The following PLD5 variants were observed in gnomAD, a reference collection of about 807,000 sequenced individuals.
PLD5 encodes the protein phospholipase D family member 5.
A neutral mutation model predicts 61.1 loss-of-function variants in PLD5; 36 were observed. The ratio of observed to expected loss-of-function variants is 0.59; its 90% CI spans 0.45 to 0.78. PLD5 has a LOEUF of 0.78. Among genes scored for constraint, PLD5 ranks in the 30% least tolerant of loss-of-function variants. The probability of loss-of-function intolerance (pLI) is 0.00; values close to 1 mark genes in which losing one functional copy is unlikely to be tolerated. For missense variants in PLD5, 515 were observed against 644.4 expected (o/e 0.80, Z 2.17); for synonymous variants, 243 against 242.8 (o/e 1.00, Z -0.01).
intron 1 of PLD5, among the ~76,000 whole-genome samples, chr1:242,427,210 TA>T (rs935233957): frequency 2.0e-5 from 3 of 152,200 alleles, no homozygotes; most frequent in African/African-American, 7.2e-5. Flanking sequence ...TTAGAATTGT[TA>T]TTATCAGTAT....
intron 5 of PLD5, among the ~76,000 whole-genome samples, chr1:242,175,184 T>C (rs889720139): frequency 1.3e-5 from 2 of 152,238 alleles, no homozygotes; most frequent in South Asian, 2.1e-4. Context: ...CTGATGAACA[T>C]GGATGTGAAA....
intron 8 of PLD5, among the ~76,000 whole-genome samples, 167 bp downstream of exon 8, chr1:242,107,504 C>CTCCT (rs67662777): frequency 0.22 from 1,195 of 5,452 alleles, 16 homozygotes; most frequent in African/African-American, 0.48. Flanking sequence ...GAGCTCTACT[C>CTCCT]TTTTTTTCGT....
At chr1:242,167,076 TAGTA>T (rs571199276) in intron 5 of PLD5, among the ~76,000 whole-genome samples, 10,496 of 77,346 alleles carry the variant, frequency 0.14, 498 homozygotes, top group Middle Eastern at 0.17. Flanking sequence ...ACAATAATAA[TAGTA>T]ATAATAATAA....
intron 1 of PLD5, among the ~76,000 whole-genome samples, chr1:242,437,565 T>C (rs940042897): frequency 1.3e-5 from 2 of 152,030 alleles, no homozygotes; most frequent in African/African-American, 4.8e-5. Flanking sequence ...GGTGTGGTGG[T>C]GTGCGCCTGT....
chr1:242,465,460 C>T (rs1435269885), intron 1 of PLD5, among the ~76,000 whole-genome samples: 1 of 152,226 alleles, frequency 6.6e-6, no homozygotes, highest in Non-Finnish European at 1.5e-5. Flanking sequence ...TCTGCAATGG[C>T]TTCCCATTTA....
chr1:242,524,013 G>A, intron 1 of PLD5, 75 bp downstream of exon 1: 4 of 1,428,014 alleles, frequency 2.8e-6, no homozygotes, highest in Non-Finnish European at 3.7e-6. Context: ...CCCCGCGCGC[G>A]CTCATGCCAC....
rs537825726 is a variant in PLD5, at chr1:242,267,012, G to A, written c.496-1564C>T. Among the ~76,000 whole-genome samples, 14 of 152,246 alleles carry A rather than the reference G, an allele frequency of 9.2e-5. 1 individual carries two copies. The South Asian group carries it at 2.1e-3, about 23-fold the overall frequency. ...GGTGCCTGTAATCCCAGCTACCCTG[G>A]AGGCTGAGGCAGGAGAATCACTGGA... On this transcript the variant is annotated intron_variant, in intron 3 of 9. Coordinates refer to ENST00000536534, the MANE Select transcript of PLD5 (RefSeq NM_001372062.1).
chr1:242,235,742 C>T (rs1671597795), intron 4 of PLD5: 1 of 152,176 alleles, frequency 6.6e-6, no homozygotes, highest in Non-Finnish European at 1.5e-5. Flanking sequence ...GTCCAACTTC[C>T]TTTCAAGGAA....
chr1:242,432,645 C>G (rs562175979), intron 1 of PLD5, among the ~76,000 whole-genome samples: 9 of 152,278 alleles, frequency 5.9e-5, no homozygotes, highest in African/African-American at 1.9e-4. Context: ...AAGACAAGCC[C>G]TGGAAGACTC....
intron 6 of PLD5, among the ~76,000 whole-genome samples, chr1:242,121,993 T>C (rs1662413085): frequency 6.6e-6 from 1 of 150,902 alleles, no homozygotes; most frequent in East Asian, 2.0e-4. Flanking sequence ...CTAATGTAAA[T>C]ATGAGTTAGT....
intron 1 of PLD5, among the ~76,000 whole-genome samples, chr1:242,415,701 G>T (rs893626918): frequency 1.3e-5 from 2 of 151,880 alleles, no homozygotes; most frequent in Non-Finnish European, 2.9e-5. Context: ...TTTTAGTAGA[G>T]ACGGGGTTTC....
intron 1 of PLD5, among the ~76,000 whole-genome samples, chr1:242,493,343 C>T (rs1668232506): frequency 6.6e-6 from 1 of 152,116 alleles, no homozygotes; most frequent in Non-Finnish European, 1.5e-5. Context: ...GGAGGCCACG[C>T]AGCGAATGTC....
At chr1:242,146,637 A>G (rs1664563932) in intron 5 of PLD5, among the ~76,000 whole-genome samples, 1 of 152,152 alleles carries the variant, frequency 6.6e-6, no homozygotes, top group South Asian at 2.1e-4. Context: ...TTCTAGAGTT[A>G]TTTTTATGAC....
At position 242,115,677 on chromosome 1, in the gene PLD5, G is replaced by GT. The variant is rs1558236827; in HGVS notation, c.934-1652dup. Among the ~76,000 whole-genome samples, 10 of 135,240 alleles carry GT rather than the reference G, an allele frequency of 7.4e-5. No individual in the cohort carries two copies. In the East Asian group the frequency reaches 8.6e-4, roughly 12 times the overall value. The allele number at this position is 135,240 out of a possible 152,430, so 88.7% of individuals were successfully genotyped here. A position where few individuals can be genotyped will look rare whatever the true frequency, so the allele number is the denominator to read the frequency against. Reference sequence around the variant, plus strand: ...AATCTAAAAAAAAAAAAATCTTGGAGTTTTTTTCTTTTCTCCAAAATCTTT... The same window carrying GT: ...AATCTAAAAAAAAAAAAATCTTGGAGTTTTTTTTCTTTTCTCCAAAATCTTT... On this transcript the variant is annotated intron_variant, in intron 6 of 9. Coordinates refer to ENST00000536534, the MANE Select transcript of PLD5 (RefSeq NM_001372062.1).
intron 1 of PLD5, among the ~76,000 whole-genome samples, chr1:242,380,435 G>A (rs912897986): frequency 2.0e-5 from 3 of 152,152 alleles, no homozygotes; most frequent in African/African-American, 7.2e-5. Flanking sequence ...TGTGTTTTCT[G>A]TAATGGAAAA....
rs1342466661 is a variant in PLD5, at chr1:242,084,992, T to G, written c.*4862A>C. ...GAAAAAGCCATCTAATATTTACTTC[T>G]GAAAAAACTGAGCATCTGGTTATAC... On this transcript the variant is annotated 3_prime_UTR_variant, in exon 10 of 10. Coordinates refer to ENST00000536534, the MANE Select transcript of PLD5 (RefSeq NM_001372062.1). 1 of 152,076 alleles carries G rather than the reference T, an allele frequency of 6.6e-6. No homozygotes were observed. The highest frequency in any genetic ancestry group is 1.9e-4 in the East Asian group (1 of 5,190). 9.4% of individuals were successfully genotyped at this position (152,076 alleles called of 1,614,324 possible).
chr1:242,365,944 G>A (rs1226075746), intron 1 of PLD5: 1 of 152,198 alleles, frequency 6.6e-6, no homozygotes, highest in African/African-American at 2.4e-5. Flanking sequence ...TGAATTTTTA[G>A]TTAAAAACCT....
chr1:242,083,864 T>TG lies in PLD5; in HGVS notation c.*5989dup, dbSNP rs111517505. On this transcript the variant is annotated 3_prime_UTR_variant, in exon 10 of 10. Coordinates refer to ENST00000536534, the MANE Select transcript of PLD5 (RefSeq NM_001372062.1). ...GGAATTGAGGTCATATTTCCAAGAT[T>TG]GGTTGTGCATTTGTGTGGGAAAACT... is the stretch of plus-strand genomic sequence containing the variant. The TG allele has an allele frequency of 8.7e-3, 1,324 of 152,320 alleles. 19 individuals are homozygous for TG. Among genetic ancestry groups the TG allele is most frequent in the African/African-American group, 0.031 (1,274 of 41,570 alleles). 9.4% of individuals were successfully genotyped at this position (152,320 alleles called of 1,614,324 possible).
rs569714215 is a variant in PLD5, at chr1:242,259,034, T to C, written c.607+6303A>G. Among the ~76,000 whole-genome samples the C allele has an allele frequency of 1.8e-3, 268 of 152,300 alleles. 3 individuals are homozygous for C. The highest frequency in any genetic ancestry group is 6.0e-3 in the African/African-American group (251 of 41,556). ...GCCCAAGTTGTTGGCACATGACAGA[T>C]AGTCAAGAAGCAATTGTTGGATTAA... On this transcript the variant is annotated intron_variant, in intron 4 of 9. Coordinates refer to ENST00000536534, the MANE Select transcript of PLD5 (RefSeq NM_001372062.1).
Sources: allele counts gnomAD v4.1 joint callset (sites outside exome capture counted in the v4.1 genomes callset), GRCh38; gene constraint gnomAD v4.1.1; transcripts MANE v1.5; gene names NCBI Gene and HGNC (gene_info 2026-07-23, HGNC 2026-07-21).